The following PPP1R12A variants were observed in gnomAD, a reference collection of about 807,000 sequenced individuals.
PPP1R12A encodes the protein protein phosphatase 1 regulatory subunit 12A.
In PPP1R12A, 19 loss-of-function variants were observed where a neutral mutation model predicts 139.6. That is an observed-to-expected ratio of 0.14 (90% confidence interval 0.09 to 0.20). The LOEUF is 0.20. Among genes scored for constraint, PPP1R12A ranks in the 10% least tolerant of loss-of-function variants. The probability of loss-of-function intolerance (pLI) is 1.00; values close to 1 mark genes in which losing one functional copy is unlikely to be tolerated. For synonymous variants in PPP1R12A, 427 were observed against 420.6 expected (o/e 1.02, Z -0.19); for missense variants, 925 against 1,211.5 (o/e 0.76, Z 3.51).
chr12:79,859,711 C>T (rs1881099367), intron 2 of PPP1R12A, among the ~76,000 whole-genome samples: 1 of 151,862 alleles, frequency 6.6e-6, no homozygotes, highest in Non-Finnish European at 1.5e-5. Flanking sequence ...TTGAGACCAC[C>T]CCGGAAAACA....
chr12:79,891,179 A>C (rs1400993744), intron 1 of PPP1R12A, among the ~76,000 whole-genome samples: 1 of 152,196 alleles, frequency 6.6e-6, no homozygotes, highest in Non-Finnish European at 1.5e-5. Flanking sequence ...TTTTTAAAAA[A>C]ATAAAAAATG....
chr12:79,874,665 A>G (rs1246645826), intron 1 of PPP1R12A, among the ~76,000 whole-genome samples: 3 of 152,048 alleles, frequency 2.0e-5, no homozygotes, highest in African/African-American at 7.3e-5. Flanking sequence ...AAGTCCTAAA[A>G]TAAAAAAAAA....
intron 1 of PPP1R12A, among the ~76,000 whole-genome samples, chr12:79,902,104 G>A (rs1885700518): frequency 6.6e-6 from 1 of 152,166 alleles, no homozygotes; most frequent in Non-Finnish European, 1.5e-5. Context: ...AAAGATTTGA[G>A]ATCTTATTCC....
In PPP1R12A at chr12:79,776,024, A is replaced by G; in HGVS notation, c.3007-9T>C. 6.5e-7 allele frequency: 1 copy of G among 1,532,884 alleles called. No homozygotes were observed. The highest frequency in any genetic ancestry group is 8.8e-7 in the Non-Finnish European group (1 of 1,131,022). 95.0% of individuals were successfully genotyped at this position (1,532,884 alleles called of 1,614,324 possible). A position where few individuals can be genotyped will look rare whatever the true frequency, so the allele number is the denominator to read the frequency against. ...TTTAGGTCTGGTAACATCTATAAAG[A>G]GAAAAATTGAAGATCAAGTTTTACC... On this transcript the variant is annotated splice_polypyrimidine_tract_variant and intron_variant, in intron 24 of 24. Coordinates refer to ENST00000450142, the MANE Select transcript of PPP1R12A (RefSeq NM_002480.3).
upstream of PPP1R12A, chr12:79,935,311 A>G: frequency 8.6e-6 from 9 of 1,045,866 alleles, no homozygotes; most frequent in Non-Finnish European, 1.0e-5. Context: ...GGGCCACCAG[A>G]GGGAAGCGGG....
chr12:79,863,319 A>G (rs1371333004), intron 2 of PPP1R12A, among the ~76,000 whole-genome samples: 1 of 152,208 alleles, frequency 6.6e-6, no homozygotes, highest in African/African-American at 2.4e-5. Context: ...TGAAGGAAGC[A>G]CTAAACATGG....
At chr12:79,812,391 C>CGT (rs1156924649) in intron 9 of PPP1R12A, among the ~76,000 whole-genome samples, 7,456 of 134,562 alleles carry the variant, frequency 0.055, 532 homozygotes, top group East Asian at 0.33. Flanking sequence ...TCTGTGTGTG[C>CGT]GTGTGTGTGT....
chr12:79,871,679 A>C (rs1328105144), intron 2 of PPP1R12A, among the ~76,000 whole-genome samples: 2 of 152,178 alleles, frequency 1.3e-5, no homozygotes, highest in African/African-American at 4.8e-5. Flanking sequence ...GTTAAAGATA[A>C]ATGCACAATT....
intron 2 of PPP1R12A, among the ~76,000 whole-genome samples, chr12:79,853,194 T>C (rs1262384588): frequency 3.3e-5 from 5 of 152,340 alleles, no homozygotes; most frequent in Non-Finnish European, 5.9e-5. Context: ...AGAATGGTTA[T>C]TCTCAAAAAG....
intron 2 of PPP1R12A, among the ~76,000 whole-genome samples, chr12:79,861,549 T>C (rs903552640): frequency 2.6e-5 from 4 of 152,184 alleles, no homozygotes; most frequent in Admixed American, 2.6e-4. Flanking sequence ...GGGATTTCCC[T>C]TTCCTAGCCA....
At chr12:79,833,064 T>C (rs1047075318) in intron 3 of PPP1R12A, among the ~76,000 whole-genome samples, 6 of 151,708 alleles carry the variant, frequency 4.0e-5, no homozygotes, top group Non-Finnish European at 7.4e-5. Context: ...TAAATGTTCA[T>C]TCATTTAAAA....
In PPP1R12A at chr12:79,778,554, A is replaced by C. The variant is rs1447911531; in HGVS notation, c.3002T>G (p.Leu1001Arg). Residue 1001 changes from leucine to arginine, a missense_variant, in exon 24 of 25, where the codon CTC becomes CGC. Coordinates refer to ENST00000450142, the MANE Select transcript of PPP1R12A (RefSeq NM_002480.3). ...ERRISEMEEE[L>R]KMLPDLKADN... ...TAAGTAACATAGTTTACTTACTTTG[A>C]GCTCTTCTTCCATTTCAGATATTCT... 1.3e-6 allele frequency: 2 copies of C among 1,530,972 alleles called. No individual in the cohort carries two copies. Among genetic ancestry groups the C allele is most frequent in the Non-Finnish European group, 1.8e-6 (2 of 1,133,726 alleles). The allele number at this position is 1,530,972 out of a possible 1,614,324, so 94.8% of individuals were successfully genotyped here.
intron 3 of PPP1R12A, among the ~76,000 whole-genome samples, chr12:79,835,333 G>C (rs1018488618): frequency 1.2e-4 from 18 of 152,184 alleles, no homozygotes; most frequent in African/African-American, 3.6e-4. Flanking sequence ...CAGATTACCA[G>C]CTTCTCTGGT....
Position 79,870,542 on chromosome 12 carries a change from G to A in PPP1R12A, c.368+2266C>T, listed in dbSNP as rs112299557. Among the ~76,000 whole-genome samples the A allele has an allele frequency of 6.4e-3, 979 of 152,222 alleles. 12 individuals are homozygous for A. Among genetic ancestry groups the A allele is most frequent in the African/African-American group, 0.021 (886 of 41,532 alleles). ...TCATTATTTTAAAAAAGAATCTTGT[G>A]GCAGAAAGAATAAAAAGGAAAACTT... On this transcript the variant is annotated intron_variant, in intron 2 of 24. Coordinates refer to ENST00000450142, the MANE Select transcript of PPP1R12A (RefSeq NM_002480.3).
At chr12:79,839,830 TCTTTC>T (rs1878503248) in intron 3 of PPP1R12A, among the ~76,000 whole-genome samples, 2 of 152,184 alleles carry the variant, frequency 1.3e-5, no homozygotes, top group Admixed American at 1.3e-4. Flanking sequence ...CAATTAAACC[TCTTTC>T]CTTTACAAAT....
At chr12:79,816,041 G>T (rs964010038) in intron 9 of PPP1R12A, among the ~76,000 whole-genome samples, 2 of 151,882 alleles carry the variant, frequency 1.3e-5, no homozygotes, top group Non-Finnish European at 2.9e-5. Context: ...ACCACCTAAA[G>T]CCAAATCCAA....
chr12:79,894,852 T>C (rs569819499), intron 1 of PPP1R12A, among the ~76,000 whole-genome samples: 7 of 152,324 alleles, frequency 4.6e-5, no homozygotes, highest in South Asian at 2.1e-4. Context: ...TTGGGAATTA[T>C]GTTTGCTTTT....
At position 79,788,636 on chromosome 12, in the gene PPP1R12A, T is replaced by TC. The variant is rs1871408057; in HGVS notation, c.2802+11_2802+12insG. On this transcript the variant is annotated intron_variant, in intron 21 of 24. Coordinates refer to ENST00000450142, the MANE Select transcript of PPP1R12A (RefSeq NM_002480.3). ...TAACTTTTTATTAAATATAACTAAA[T>TC]AACCCAAGTACCTTTTTAAAGTCAG... 1.0e-5 allele frequency: 16 copies of TC among 1,590,090 alleles called. No individual in the cohort carries two copies. Among genetic ancestry groups the TC allele is most frequent in the Non-Finnish European group, 1.3e-5 (15 of 1,171,596 alleles).
intron 14 of PPP1R12A, among the ~76,000 whole-genome samples, chr12:79,802,114 A>G (rs1459697813): frequency 6.6e-6 from 1 of 152,208 alleles, no homozygotes; most frequent in Non-Finnish European, 1.5e-5. Context: ...TGTTATAGAA[A>G]ATGATTGCAT....
Sources: allele counts gnomAD v4.1 joint callset (sites outside exome capture counted in the v4.1 genomes callset), GRCh38; gene constraint gnomAD v4.1.1; transcripts MANE v1.5; gene names NCBI Gene and HGNC (gene_info 2026-07-23, HGNC 2026-07-21).